DRICH1: variants seen among roughly 807,000 people sequenced by gnomAD.
DRICH1 encodes the protein aspartate-rich protein 1.
Under a neutral mutation model 39.5 loss-of-function variants are expected in DRICH1, and 38 were observed. The observed-to-expected ratio is 0.96, with a 90% CI of 0.74 to 1.26. The LOEUF (loss-of-function observed/expected upper bound fraction) is 1.26. DRICH1 is among the 50% of genes most tolerant of loss of function. The pLI is 0.00. For missense variants in DRICH1, 279 were observed against 270.4 expected, an observed-to-expected ratio of 1.03 and a Z score of -0.22; for synonymous variants, 84 against 99.5, an observed-to-expected ratio of 0.84 and a Z score of 0.93.
Position 23,613,150 on chromosome 22 carries a change from G to A in DRICH1, c.685+139C>T, listed in dbSNP as rs1927138408. The A allele has an allele frequency of 4.2e-6, 3 of 706,656 alleles. No individual in the cohort carries two copies. The East Asian group carries it at 7.9e-5, about 19-fold the overall frequency. 43.8% of individuals were successfully genotyped at this position (706,656 alleles called of 1,614,324 possible). A position where few individuals can be genotyped will look rare whatever the true frequency, so the allele number is the denominator to read the frequency against. The stretch of plus-strand genomic sequence containing the variant: ...TGCCAAGAAACTCTGAAAACAACAA[G>A]CCAGACCTCACACATATTTCCATTT... On this transcript the variant is annotated intron_variant, in intron 11 of 11. Coordinates refer to ENST00000317749, the MANE Select transcript of DRICH1 (RefSeq NM_016449.4).
At chr22:23,608,930 C>G (rs1926883011) in intron 11 of DRICH1, among the ~76,000 whole-genome samples, 162 bp from the exon 12 acceptor site, 1 of 152,210 alleles carries the variant, frequency 6.6e-6, no homozygotes, top group South Asian at 2.1e-4. Flanking sequence ...CAGCCAGGGA[C>G]AGAGGTGCCT....
At chr22:23,624,765 G>C in intron 3 of DRICH1, 118 bp downstream of exon 3, 1 of 1,225,878 alleles carries the variant, frequency 8.2e-7, no homozygotes, top group East Asian at 2.3e-5. Flanking sequence ...TACACTCGCA[G>C]AATCATTTGC....
chr22:23,582,265 C>T, the DRICH1 span, among the ~76,000 whole-genome samples: 1 of 147,950 alleles, frequency 6.8e-6, no homozygotes, highest in African/African-American at 2.5e-5. Flanking sequence ...GCGTGAGCCA[C>T]CGCAACTGGC....
chr22:23,629,288 C>T (rs1928254594), intron 1 of DRICH1, among the ~76,000 whole-genome samples: 1 of 152,136 alleles, frequency 6.6e-6, no homozygotes, highest in Admixed American at 6.5e-5. Flanking sequence ...ATCCACCCAC[C>T]TCGGCCTCCC....
the DRICH1 span, among the ~76,000 whole-genome samples, chr22:23,596,716 C>G: frequency 6.6e-6 from 1 of 152,172 alleles, no homozygotes; most frequent in East Asian, 1.9e-4. Flanking sequence ...TACCTTCATT[C>G]TATTGCAGAG....
chr22:23,592,706 A>G, the DRICH1 span, among the ~76,000 whole-genome samples: 2 of 152,086 alleles, frequency 1.3e-5, no homozygotes. Flanking sequence ...GCTTTAAGAT[A>G]AGACTTCCAG....
intron 11 of DRICH1, 39 bp downstream of exon 11, chr22:23,613,250 C>A (rs1333791062): frequency 6.4e-7 from 1 of 1,550,906 alleles, no homozygotes. Flanking sequence ...TCCTGGGAAC[C>A]TTTTCCCATT....
chr22:23,613,459 A>T, intron 10 of DRICH1, 129 bp from the exon 11 acceptor site: 2 of 946,286 alleles, frequency 2.1e-6, no homozygotes, highest in Admixed American at 3.7e-5. Flanking sequence ...ATGATCCCCT[A>T]ATCTTTCTTC....
At chr22:23,627,095 G>A (rs555377792) in intron 1 of DRICH1, among the ~76,000 whole-genome samples, 2 of 143,264 alleles carry the variant, frequency 1.4e-5, no homozygotes, top group Admixed American at 1.4e-4. Context: ...TTTTTGAGAC[G>A]GAGTTTCACT....
Position 23,614,152 on chromosome 22 carries a change from C to A in DRICH1, c.604G>T (p.Asp202Tyr). 1.2e-6 allele frequency: 2 copies of A among 1,609,062 alleles called. No individual in the cohort carries two copies. Among genetic ancestry groups the A allele is most frequent in the Non-Finnish European group, 1.7e-6 (2 of 1,175,642 alleles). Residue 202 changes from aspartate (D) to tyrosine (Y), a missense_variant, in exon 9 of 12, where the codon GAT (aspartate) becomes TAT (tyrosine). Physicochemically the swap from Asp to Tyr is radical, Grantham distance 160. Coordinates refer to ENST00000317749, the MANE Select transcript of DRICH1 (RefSeq NM_016449.4). ...SLRHKDEEEE[D>Y]DDDIHITARI... ...GGTCTTACGTGGATGTCATCATCAT[C>A]TTCTTCTTCTTCATCTTTGTGTCTC...
At chr22:23,611,113 C>A (rs1195869518) in intron 11 of DRICH1, among the ~76,000 whole-genome samples, 1 of 152,170 alleles carries the variant, frequency 6.6e-6, no homozygotes, top group African/African-American at 2.4e-5. Flanking sequence ...CCTCACCGAA[C>A]TCACATGCCC....
At chr22:23,587,372 T>A in the DRICH1 span, among the ~76,000 whole-genome samples, 2 of 152,194 alleles carry the variant, frequency 1.3e-5, no homozygotes, top group Non-Finnish European at 2.9e-5. Context: ...CTGCTTCCAT[T>A]TCTGTGGGTT....
intron 2 of DRICH1, 79 bp downstream of exon 2, chr22:23,625,902 T>C: frequency 1.2e-5 from 14 of 1,161,400 alleles, no homozygotes; most frequent in Non-Finnish European, 1.8e-5. Context: ...GAGTCCATTC[T>C]TTGGGTTTAG....
chr22:23,607,375 C>G (rs1926786728), downstream of DRICH1, among the ~76,000 whole-genome samples: 1 of 152,178 alleles, frequency 6.6e-6, no homozygotes, highest in Non-Finnish European at 1.5e-5. Context: ...CACATAGGAT[C>G]ACAGTCTACA....
At chr22:23,613,470 T>C in intron 10 of DRICH1, 140 bp from the exon 11 acceptor site, 2 of 937,570 alleles carry the variant, frequency 2.1e-6, no homozygotes, top group Non-Finnish European at 3.4e-6. Flanking sequence ...ATCTTTCTTC[T>C]GGGTCGACAA....
rs1370148240 is a variant in DRICH1 at position 23,613,309 on chromosome 22, CT to C, written c.664del (p.Ser222ValfsTer15). ...CCTACCTGGATGAATCTCTTCATCA[CT>C]TAGACTCTCCAGCGTCAAGTCTTTA... The part of the protein sequence containing the change: ...IESDLTLESL[S>X]DEEIHPG On this transcript the variant is annotated frameshift_variant, in exon 11 of 12. Coordinates refer to ENST00000317749, the MANE Select transcript of DRICH1 (RefSeq NM_016449.4). LOFTEE classifies it low-confidence loss of function (END_TRUNC). 1 of 1,613,632 alleles carries C rather than the reference CT, an allele frequency of 6.2e-7. No individual in the cohort carries two copies.
chr22:23,581,242 G>A, the DRICH1 span: 2 of 151,536 alleles, frequency 1.3e-5, no homozygotes, highest in Non-Finnish European at 2.9e-5. Context: ...CCTGAGCGGT[G>A]AGTGCATCAT....
the DRICH1 span, among the ~76,000 whole-genome samples, chr22:23,603,045 G>T: frequency 6.5e-4 from 82 of 125,648 alleles, 1 homozygote; most frequent in South Asian, 0.02. Flanking sequence ...TCTCTCTGTC[G>T]CCCAGGCTGG....
At chr22:23,611,929 G>T (rs1176123043) in intron 11 of DRICH1, among the ~76,000 whole-genome samples, 1 of 152,112 alleles carries the variant, frequency 6.6e-6, no homozygotes, top group Admixed American at 6.6e-5. Flanking sequence ...CACAGTGATG[G>T]AATTTTTAGA....
Sources: allele counts gnomAD v4.1 joint callset (sites outside exome capture counted in the v4.1 genomes callset), GRCh38; gene constraint gnomAD v4.1.1; transcripts MANE v1.5; gene names NCBI Gene and HGNC (gene_info 2026-07-23, HGNC 2026-07-21).